Variants in VTCN1 observed in about 807,000 individuals in gnomAD.
The protein encoded by VTCN1 is V-set domain-containing T-cell activation inhibitor 1.
In VTCN1, 26 loss-of-function variants were observed where a neutral mutation model predicts 26.5. The ratio of observed to expected loss-of-function variants is 0.98; its 90% CI spans 0.72 to 1.36. The LOEUF (loss-of-function observed/expected upper bound fraction) is 1.36. Among genes scored for constraint, VTCN1 ranks in the 40% most tolerant of loss-of-function variants. VTCN1 has a pLI of 0.00. For synonymous variants in VTCN1, 116 were observed against 130.7 expected (o/e 0.89, Z 0.77); for missense variants, 298 against 337.7 (o/e 0.88, Z 0.92).
chr1:117,151,518 C>T (rs1162018588), intron 4 of VTCN1, among the ~76,000 whole-genome samples: 1 of 152,126 alleles, frequency 6.6e-6, no homozygotes, highest in Non-Finnish European at 1.5e-5. Flanking sequence ...CTTATTTGGC[C>T]CCGCCCACTT....
At chr1:117,205,690 G>A (rs1415664536) in intron 1 of VTCN1, among the ~76,000 whole-genome samples, 1 of 152,200 alleles carries the variant, frequency 6.6e-6, no homozygotes, top group Non-Finnish European at 1.5e-5. Flanking sequence ...AAGCACAGCT[G>A]ATTAGAAAGG....
intron 2 of VTCN1, among the ~76,000 whole-genome samples, chr1:117,166,731 T>C (rs1652633365): frequency 6.6e-6 from 1 of 151,664 alleles, no homozygotes; most frequent in African/African-American, 2.4e-5. Context: ...TACTTTAGCA[T>C]TACTATCTTT....
intron 1 of VTCN1, among the ~76,000 whole-genome samples, chr1:117,205,995 C>A (rs897584330): frequency 6.6e-6 from 1 of 152,060 alleles, no homozygotes; most frequent in African/African-American, 2.4e-5. Context: ...TCTCACCCAC[C>A]CTGAAGCTCT....
intron 4 of VTCN1, among the ~76,000 whole-genome samples, chr1:117,151,658 T>C (rs560914535): frequency 1.2e-4 from 19 of 152,304 alleles, no homozygotes; most frequent in African/African-American, 4.6e-4. Context: ...ATTGGTGCAT[T>C]TGCAATCCTC....
chr1:117,153,432 T>C (rs992884159), intron 3 of VTCN1, 63 bp from the exon 4 acceptor site: 43 of 1,521,498 alleles, frequency 2.8e-5, no homozygotes, highest in Non-Finnish European at 3.7e-5. Flanking sequence ...AATATAGCCT[T>C]TGAAGCGCTA....
intron 1 of VTCN1, among the ~76,000 whole-genome samples, chr1:117,178,588 G>GTTTTTTTTTTTTTTTTTTTTTT (rs10657719): frequency 3.4e-5 from 3 of 88,266 alleles, no homozygotes; most frequent in Non-Finnish European, 5.9e-5. Context: ...TCTTTCTTTC[G>GTTTTTTTTTTTTTTTTTTTTTT]TTTTTTTTTT....
At chr1:117,163,313 CCTTT>C (rs1256321361) in intron 2 of VTCN1, among the ~76,000 whole-genome samples, 3 of 152,162 alleles carry the variant, frequency 2.0e-5, no homozygotes, top group African/African-American at 7.2e-5. Context: ...GTTTTCTAAC[CCTTT>C]ATTTCACCAT....
At chr1:117,189,807 C>A (rs1648147587) in intron 1 of VTCN1, among the ~76,000 whole-genome samples, 1 of 152,084 alleles carries the variant, frequency 6.6e-6, no homozygotes. Context: ...CTCCTATTCC[C>A]CCACAGCAAT....
intron 1 of VTCN1, among the ~76,000 whole-genome samples, chr1:117,171,331 T>C (rs925740515): frequency 9.2e-5 from 14 of 152,250 alleles, no homozygotes; most frequent in Non-Finnish European, 5.9e-5. Context: ...CATGTATCTC[T>C]ATAGTAGAAT....
chr1:117,179,093 A>T (rs1647547429), intron 1 of VTCN1, among the ~76,000 whole-genome samples: 1 of 152,204 alleles, frequency 6.6e-6, no homozygotes, highest in Non-Finnish European at 1.5e-5. Context: ...CTTTAAAAAG[A>T]ACACTGATTA....
intron 1 of VTCN1, chr1:117,203,951 C>A (rs10923223): frequency 1.5e-3 from 319 of 210,346 alleles, no homozygotes; most frequent in Middle Eastern, 4.5e-3. Context: ...CTTTGAACAT[C>A]GAGTTTGGAT....
At chr1:117,190,375 C>G (rs1234734478) in intron 1 of VTCN1, among the ~76,000 whole-genome samples, 1 of 152,216 alleles carries the variant, frequency 6.6e-6, no homozygotes, top group East Asian at 1.9e-4. Flanking sequence ...GCCTGAAAAC[C>G]TTGGTCTCAA....
intron 1 of VTCN1, among the ~76,000 whole-genome samples, chr1:117,208,380 C>G (rs1330841340): frequency 6.6e-6 from 1 of 152,140 alleles, no homozygotes; most frequent in Non-Finnish European, 1.5e-5. Context: ...GAAACCCTCC[C>G]CAAAAGCCTT....
intron 2 of VTCN1, among the ~76,000 whole-genome samples, chr1:117,162,796 G>A (rs1292223571): frequency 6.6e-6 from 1 of 152,156 alleles, no homozygotes; most frequent in African/African-American, 2.4e-5. Flanking sequence ...TATTCAATCA[G>A]CGCTCCGTTG....
At chr1:117,166,061 T>C (rs1652590789) in intron 2 of VTCN1, among the ~76,000 whole-genome samples, 1 of 152,226 alleles carries the variant, frequency 6.6e-6, no homozygotes, top group Non-Finnish European at 1.5e-5. Flanking sequence ...AAATTTTTGA[T>C]GGTACATTAC....
At chr1:117,152,518 C>A (rs542987590) in intron 4 of VTCN1, among the ~76,000 whole-genome samples, 1 of 152,224 alleles carries the variant, frequency 6.6e-6, no homozygotes, top group Admixed American at 6.5e-5. Flanking sequence ...GTCTTCTCAG[C>A]CAGCTCTCAG....
chr1:117,174,261 A>G (rs1022288274), intron 1 of VTCN1, among the ~76,000 whole-genome samples: 1 of 152,198 alleles, frequency 6.6e-6, no homozygotes, highest in Non-Finnish European at 1.5e-5. Flanking sequence ...AAAGGGCCCA[A>G]ATAAAAATCA....
intron 1 of VTCN1, among the ~76,000 whole-genome samples, chr1:117,184,319 G>A (rs1456750681): frequency 6.6e-6 from 1 of 152,004 alleles, no homozygotes; most frequent in African/African-American, 2.4e-5. Flanking sequence ...TGGGCTATCT[G>A]CGAGGCTGAC....
chr1:117,173,892 G>A (rs566124285), intron 1 of VTCN1, among the ~76,000 whole-genome samples: 13 of 152,256 alleles, frequency 8.5e-5, no homozygotes, highest in African/African-American at 2.4e-4. Flanking sequence ...CCAGGCCCAC[G>A]TTTCCCTCGC....
Sources: gnomAD v4.1 joint callset for allele counts (sites outside exome capture counted in the v4.1 genomes callset) on GRCh38, gnomAD v4.1.1 for gene constraint, MANE v1.5 for transcripts, NCBI Gene and HGNC (gene_info 2026-07-23, HGNC 2026-07-21) for gene names.